HOOK3: variants seen among roughly 807,000 people sequenced by gnomAD.
HOOK3 encodes hook microtubule tethering protein 3.
A neutral mutation model predicts 116.3 loss-of-function variants in HOOK3; 24 were observed. The ratio of observed to expected loss-of-function variants is 0.21; its 90% confidence interval spans 0.15 to 0.29. HOOK3 has a LOEUF of 0.29. Among genes scored for constraint, HOOK3 ranks in the 10% least tolerant of loss-of-function variants. The probability of loss-of-function intolerance (pLI) is 1.00; values close to 1 mark genes in which losing one functional copy is unlikely to be tolerated. For synonymous variants in HOOK3, 275 were observed against 283.0 expected, an observed-to-expected ratio of 0.97 and a Z score of 0.28; for missense variants, 632 against 830.2, an observed-to-expected ratio of 0.76 and a Z score of 2.93.
At chr8:42,898,504 G>A (rs1173209334) in intron 1 of HOOK3, among the ~76,000 whole-genome samples, 1 of 152,156 alleles carries the variant, frequency 6.6e-6, no homozygotes, top group Non-Finnish European at 1.5e-5. Context: ...AGAGAGAGAG[G>A]AAAGAATTAC....
chr8:42,950,318 A>C, intron 5 of HOOK3, 70 bp from the exon 6 acceptor site: 1 of 956,180 alleles, frequency 1.0e-6, no homozygotes, highest in Non-Finnish European at 1.7e-6. Flanking sequence ...GAATTTATGA[A>C]GTATGAGCCT....
intron 11 of HOOK3, among the ~76,000 whole-genome samples, chr8:42,970,587 T>C (rs894908185): frequency 5.9e-5 from 9 of 152,258 alleles, no homozygotes; most frequent in African/African-American, 2.2e-4. Flanking sequence ...TACTGTTGGG[T>C]ACTTTTGTGT....
At chr8:42,996,241 C>T (rs1809263702) in intron 15 of HOOK3, among the ~76,000 whole-genome samples, 1 of 151,958 alleles carries the variant, frequency 6.6e-6, no homozygotes, top group Non-Finnish European at 1.5e-5. Context: ...CAAAAATTAG[C>T]CAGGCATGGT....
At chr8:42,923,161 A>G (rs1335795266) in intron 2 of HOOK3, among the ~76,000 whole-genome samples, 3 of 152,210 alleles carry the variant, frequency 2.0e-5, no homozygotes, top group Admixed American at 2.0e-4. Context: ...ATGGTGAGAC[A>G]CCACTTCACA....
At chr8:42,908,972 A>T (rs1182593088) in intron 2 of HOOK3, among the ~76,000 whole-genome samples, 2 of 152,282 alleles carry the variant, frequency 1.3e-5, no homozygotes, top group Non-Finnish European at 2.9e-5. Flanking sequence ...TCAAGAGAAC[A>T]GATAACTGAA....
At chr8:42,984,879 G>T (rs1373813116) in intron 14 of HOOK3, among the ~76,000 whole-genome samples, 1 of 152,148 alleles carries the variant, frequency 6.6e-6, no homozygotes, top group African/African-American at 2.4e-5. Flanking sequence ...CTCCAGCCTG[G>T]GCGACAGCTA....
chr8:42,979,344 A>G (rs1272610965), intron 13 of HOOK3, among the ~76,000 whole-genome samples: 5 of 152,122 alleles, frequency 3.3e-5, no homozygotes, highest in Admixed American at 3.3e-4. Context: ...AACTGAGAAA[A>G]GTTGGGTTGG....
At chr8:42,941,429 A>G (rs1014677876) in intron 4 of HOOK3, among the ~76,000 whole-genome samples, 1 of 149,766 alleles carries the variant, frequency 6.7e-6, no homozygotes, top group South Asian at 2.1e-4. Flanking sequence ...GAGGCACGAG[A>G]ATGGTGTGAA....
intron 14 of HOOK3, among the ~76,000 whole-genome samples, chr8:42,983,321 G>A (rs1204465369): frequency 1.4e-5 from 2 of 143,686 alleles, no homozygotes; most frequent in East Asian, 2.1e-4. Flanking sequence ...GGGACAGAGT[G>A]AGACTCTGTC....
chr8:42,992,211 G>A (rs140145436), intron 15 of HOOK3, among the ~76,000 whole-genome samples: 2,473 of 138,794 alleles, frequency 0.018, 25 homozygotes, highest in Non-Finnish European at 0.024. Flanking sequence ...CCATCCTGGC[G>A]AACACGGTGA....
chr8:43,007,834 C>T lies in HOOK3; in HGVS notation c.1656-13C>T, dbSNP rs1321849789. ...AGAAGCAGTAGTAGGTGATGTTTAC[C>T]TGTTTGTTACAGAGAGAAGCTGCAT... is the stretch of plus-strand genomic sequence containing the variant. On this transcript the variant is annotated splice_polypyrimidine_tract_variant and intron_variant, in intron 17 of 21. Transcript: ENST00000307602. 1.3e-6 allele frequency: 2 copies of T among 1,545,274 alleles called. No individual in the cohort carries two copies. The highest frequency in any genetic ancestry group is 1.8e-6 in the Non-Finnish European group (2 of 1,130,472).
intron 3 of HOOK3, among the ~76,000 whole-genome samples, chr8:42,926,662 A>G (rs1322479683): frequency 1.3e-5 from 2 of 152,348 alleles, no homozygotes; most frequent in East Asian, 3.8e-4. Flanking sequence ...CCTTTTACCC[A>G]GTTTCTCCAG....
intron 4 of HOOK3, among the ~76,000 whole-genome samples, chr8:42,942,055 T>G (rs1317404053): frequency 6.6e-6 from 1 of 152,094 alleles, no homozygotes; most frequent in Non-Finnish European, 1.5e-5. Context: ...GGTCAGGAGT[T>G]TGAGACCAGC....
chr8:43,001,694 T>C (rs907470178), intron 16 of HOOK3, among the ~76,000 whole-genome samples: 7 of 152,190 alleles, frequency 4.6e-5, no homozygotes, highest in African/African-American at 1.4e-4. Context: ...GACATATTTA[T>C]AGAAGCTGGC....
intron 18 of HOOK3, among the ~76,000 whole-genome samples, chr8:43,008,657 A>C (rs1258529319): frequency 3.5e-5 from 5 of 143,810 alleles, no homozygotes; most frequent in Admixed American, 3.4e-4. Flanking sequence ...TTTTATTTTT[A>C]TTTTTATTTT....
intron 9 of HOOK3, among the ~76,000 whole-genome samples, chr8:42,965,371 T>A (rs1414278602): frequency 6.6e-6 from 1 of 152,030 alleles, no homozygotes; most frequent in East Asian, 1.9e-4. Context: ...ATAGACTTAT[T>A]TAAAGGGGTG....
intron 16 of HOOK3, among the ~76,000 whole-genome samples, chr8:42,999,183 A>C (rs1189648063): frequency 1.3e-5 from 2 of 152,238 alleles, no homozygotes; most frequent in Non-Finnish European, 2.9e-5. Context: ...TTTATTCTTC[A>C]AAAGATAATT....
At chr8:42,994,438 T>C (rs1269805246) in intron 15 of HOOK3, 4 of 418,654 alleles carry the variant, frequency 9.6e-6, no homozygotes, top group African/African-American at 2.1e-5. Flanking sequence ...ATGTAGGTAC[T>C]TGTGCCCATA....
At chr8:42,991,504 G>A (rs1809160381) in intron 15 of HOOK3, among the ~76,000 whole-genome samples, 2 of 150,312 alleles carry the variant, frequency 1.3e-5, no homozygotes, top group South Asian at 4.2e-4. Context: ...CCAGGTTCAA[G>A]CAATTCTCTT....
Sources: allele counts gnomAD v4.1 joint callset (sites outside exome capture counted in the v4.1 genomes callset), GRCh38; gene constraint gnomAD v4.1.1; transcripts MANE v1.5; gene names NCBI Gene and HGNC (gene_info 2026-07-23, HGNC 2026-07-21).